The following GRIK2 variants were observed in gnomAD, a reference collection of about 807,000 sequenced individuals.
GRIK2 encodes glutamate ionotropic receptor kainate type subunit 2, also known as glutamate receptor ionotropic, kainate 2.
Under a neutral mutation model 100.3 loss-of-function variants are expected in GRIK2, and 32 were observed. The ratio of observed to expected loss-of-function variants is 0.32; its 90% CI spans 0.24 to 0.43. The LOEUF is 0.43. GRIK2 is among the 20% of genes least tolerant of loss of function. The pLI is 1.00. For synonymous variants in GRIK2, 417 were observed against 389.4 expected (o/e 1.07, Z -0.83); for missense variants, 843 against 1,114.9 (o/e 0.76, Z 3.47).
chr6:102,069,168 G>GAGAT lies in GRIK2; in HGVS notation c.*661_*664dup, dbSNP rs1772154572. ...TTTTTGACAGTCTGTGTCACTGATT[G>GAGAT]AGATAGAAATGCCAATTATCAAGGA... On this transcript the variant is annotated 3_prime_UTR_variant, in exon 17 of 17. Coordinates refer to ENST00000369134, the MANE Select transcript of GRIK2 (RefSeq NM_021956.5). 1 of 148,460 alleles carries GAGAT rather than the reference G, an allele frequency of 6.7e-6. No individual in the cohort carries two copies. Among genetic ancestry groups the GAGAT allele is most frequent in the South Asian group, 2.1e-4 (1 of 4,768 alleles). The allele number at this position is 148,460 out of a possible 1,614,324, so 9.2% of individuals were successfully genotyped here.
At chr6:101,727,231 A>G (rs1052077926) in intron 7 of GRIK2, among the ~76,000 whole-genome samples, 2 of 151,996 alleles carry the variant, frequency 1.3e-5, no homozygotes, top group South Asian at 4.1e-4. Flanking sequence ...GAGACTATTA[A>G]TTCTGATTTA....
At chr6:101,781,504 AG>A (rs1779090791) in intron 7 of GRIK2, among the ~76,000 whole-genome samples, 1 of 152,192 alleles carries the variant, frequency 6.6e-6, no homozygotes. Flanking sequence ...TCTATTCACC[AG>A]TCACCATAAT....
chr6:101,955,303 A>C (rs982069519), intron 14 of GRIK2, among the ~76,000 whole-genome samples: 4 of 152,066 alleles, frequency 2.6e-5, no homozygotes, highest in African/African-American at 9.7e-5. Context: ...TGTTTGACGG[A>C]TTTCACCAGT....
At chr6:101,966,083 G>T (rs1274873216) in intron 14 of GRIK2, among the ~76,000 whole-genome samples, 1 of 151,962 alleles carries the variant, frequency 6.6e-6, no homozygotes, top group East Asian at 1.9e-4. Context: ...CAAATAATCT[G>T]TAAATTTTCT....
intron 12 of GRIK2, among the ~76,000 whole-genome samples, chr6:101,905,451 T>C (rs946855450): frequency 6.6e-6 from 1 of 151,618 alleles, no homozygotes; most frequent in Non-Finnish European, 1.5e-5. Context: ...GCAGTTATTC[T>C]TTCTCAAATT....
At chr6:101,459,079 G>T (rs1193832513) in intron 2 of GRIK2, among the ~76,000 whole-genome samples, 1 of 146,404 alleles carries the variant, frequency 6.8e-6, no homozygotes, top group East Asian at 2.1e-4. Context: ...TGTTATTTAG[G>T]CGCTAAAGCT....
intron 16 of GRIK2, among the ~76,000 whole-genome samples, chr6:102,058,154 G>C (rs1038495319): frequency 2.0e-5 from 3 of 151,680 alleles, no homozygotes; most frequent in Non-Finnish European, 4.4e-5. Context: ...ATATCTTCAC[G>C]CTGCGAACCC....
chr6:101,934,892 C>T (rs573728746), intron 14 of GRIK2, among the ~76,000 whole-genome samples: 1 of 151,922 alleles, frequency 6.6e-6, no homozygotes, highest in Non-Finnish European at 1.5e-5. Flanking sequence ...GAAAGTTCCA[C>T]TTTGCATATG....
chr6:101,994,467 A>G lies in GRIK2; in HGVS notation c.2086-40874A>G, dbSNP rs917167110. Among the ~76,000 whole-genome samples, 24 of 151,888 alleles carry G rather than the reference A, an allele frequency of 1.6e-4. 1 individual carries two copies. Among genetic ancestry groups the G allele is most frequent in the African/African-American group, 5.1e-4 (21 of 41,424 alleles). ...CTGAATTATAAAAATTATGGTAGAA[A>G]TGAACTAGCATTTTAAATACTTTTT... is the stretch of plus-strand genomic sequence containing the variant. On this transcript the variant is annotated intron_variant, in intron 14 of 16. Coordinates refer to ENST00000369134, the MANE Select transcript of GRIK2 (RefSeq NM_021956.5).
At chr6:101,586,951 T>C (rs1778404353) in intron 2 of GRIK2, among the ~76,000 whole-genome samples, 1 of 149,088 alleles carries the variant, frequency 6.7e-6, no homozygotes, top group African/African-American at 2.5e-5. Context: ...CAACCATGTC[T>C]GAGAACCTGA....
intron 7 of GRIK2, among the ~76,000 whole-genome samples, chr6:101,799,287 G>GTGTC (rs1554265350): frequency 2.0e-5 from 3 of 150,694 alleles, no homozygotes; most frequent in Admixed American, 2.0e-4. Flanking sequence ...TTGTGTGTGT[G>GTGTC]TGTGTGTGTG....
chr6:101,651,616 T>C (rs1397473799), intron 4 of GRIK2, among the ~76,000 whole-genome samples: 1 of 152,084 alleles, frequency 6.6e-6, no homozygotes, highest in Non-Finnish European at 1.5e-5. Flanking sequence ...TCATGGGGGA[T>C]GAGAGAGTAA....
intron 2 of GRIK2, among the ~76,000 whole-genome samples, chr6:101,525,440 T>TTA (rs1775103850): frequency 6.6e-6 from 1 of 152,152 alleles, no homozygotes; most frequent in African/African-American, 2.4e-5. Context: ...TGGAAACAAA[T>TTA]TATAACCTTT....
chr6:101,449,326 C>T (rs1770542845), intron 2 of GRIK2, among the ~76,000 whole-genome samples: 1 of 151,600 alleles, frequency 6.6e-6, no homozygotes, highest in Admixed American at 6.6e-5. Context: ...TTAAAAACAA[C>T]TGCATTACTT....
At chr6:101,731,447 G>A (rs967901551) in intron 7 of GRIK2, among the ~76,000 whole-genome samples, 11 of 151,984 alleles carry the variant, frequency 7.2e-5, no homozygotes, top group African/African-American at 2.4e-4. Flanking sequence ...TAATGAAATA[G>A]AGTGTAAGTT....
intron 7 of GRIK2, among the ~76,000 whole-genome samples, chr6:101,751,854 A>G (rs1455265051): frequency 6.6e-6 from 1 of 152,172 alleles, no homozygotes; most frequent in Non-Finnish European, 1.5e-5. Context: ...TTCTTCCCTC[A>G]GAAGGTTGTT....
intron 7 of GRIK2, among the ~76,000 whole-genome samples, chr6:101,795,591 A>G (rs371907498): frequency 1.3e-5 from 2 of 152,220 alleles, no homozygotes; most frequent in South Asian, 4.1e-4. Flanking sequence ...AGCAGTATGC[A>G]TGGCATGAGA....
intron 7 of GRIK2, among the ~76,000 whole-genome samples, chr6:101,775,052 A>G (rs950788993): frequency 1.3e-5 from 2 of 152,130 alleles, no homozygotes; most frequent in Non-Finnish European, 2.9e-5. Context: ...ATCTTGTTAA[A>G]GAAAATGGTA....
chr6:101,818,973 T>G (rs998885005), intron 10 of GRIK2, among the ~76,000 whole-genome samples: 1 of 152,184 alleles, frequency 6.6e-6, no homozygotes, highest in Non-Finnish European at 1.5e-5. Flanking sequence ...AATTTTACTT[T>G]ATGAATTTCC....
Sources: allele counts gnomAD v4.1 joint callset (sites outside exome capture counted in the v4.1 genomes callset), GRCh38; gene constraint gnomAD v4.1.1; transcripts MANE v1.5; gene names NCBI Gene and HGNC (gene_info 2026-07-23, HGNC 2026-07-21).